The following EVI5 variants were observed in gnomAD, a reference collection of about 807,000 sequenced individuals.
EVI5 encodes the protein ecotropic viral integration site 5.
Under a neutral mutation model 112.0 loss-of-function variants are expected in EVI5, and 73 were observed. The observed-to-expected ratio is 0.65, with a 90% CI of 0.54 to 0.79. EVI5 has a LOEUF of 0.79. EVI5 is among the 30% of genes least tolerant of loss of function. The pLI is 0.00. For synonymous variants in EVI5, 305 were observed against 319.9 expected (o/e 0.95, Z 0.50); for missense variants, 900 against 968.8 (o/e 0.93, Z 0.94).
chr1:92,672,729 T>C (rs1277448526), intron 10 of EVI5, among the ~76,000 whole-genome samples: 1 of 152,218 alleles, frequency 6.6e-6, no homozygotes, highest in East Asian at 1.9e-4. Context: ...AATTATCTGT[T>C]AAATGAAGTG....
intron 19 of EVI5, 24 bp from the exon 20 acceptor site, chr1:92,513,994 A>C: frequency 7.0e-7 from 1 of 1,421,346 alleles, no homozygotes; most frequent in Non-Finnish European, 9.6e-7. Flanking sequence ...ATCCAAGTTA[A>C]TACAGTCAAA....
At chr1:92,662,935 T>A (rs1313955248) in intron 12 of EVI5, 70 bp from the exon 13 acceptor site, 2 of 838,526 alleles carry the variant, frequency 2.4e-6, no homozygotes, top group Non-Finnish European at 3.0e-6. Flanking sequence ...TTTGTGAGGT[T>A]TAGTTATTTA....
intron 17 of EVI5, 81 bp downstream of exon 17, chr1:92,607,500 T>TA: frequency 1.0e-6 from 1 of 993,812 alleles, no homozygotes; most frequent in Non-Finnish European, 1.4e-6. Flanking sequence ...GTTTTTAAGA[T>TA]AATCTAATCA....
chr1:92,629,790 A>G (rs1473647197), intron 14 of EVI5, among the ~76,000 whole-genome samples: 3 of 150,622 alleles, frequency 2.0e-5, no homozygotes, highest in Non-Finnish European at 4.4e-5. Context: ...AACATTAGGT[A>G]TATCTCCTAA....
At chr1:92,577,362 A>C (rs1671236414) in intron 18 of EVI5, among the ~76,000 whole-genome samples, 1 of 152,088 alleles carries the variant, frequency 6.6e-6, no homozygotes, top group African/African-American at 2.4e-5. Context: ...AGCTCACACC[A>C]CTTGTAGGGA....
chr1:92,583,779 C>T (rs992458509), intron 18 of EVI5, among the ~76,000 whole-genome samples: 3 of 147,514 alleles, frequency 2.0e-5, no homozygotes, highest in Non-Finnish European at 4.5e-5. Context: ...ATATAACAAA[C>T]TGAAACTTAT....
chr1:92,699,403 C>A (rs1021631307), intron 5 of EVI5, among the ~76,000 whole-genome samples: 1 of 152,140 alleles, frequency 6.6e-6, no homozygotes, highest in Non-Finnish European at 1.5e-5. Context: ...CTACCTATAT[C>A]CTCAATCTCT....
chr1:92,779,743 ATTT>A (rs1028994446), intron 1 of EVI5, among the ~76,000 whole-genome samples: 2 of 152,084 alleles, frequency 1.3e-5, no homozygotes, highest in African/African-American at 4.8e-5. Flanking sequence ...TGATATAAAA[ATTT>A]TTTTAATTTA....
chr1:92,593,670 C>A (rs1040587512), intron 18 of EVI5, among the ~76,000 whole-genome samples: 18 of 152,172 alleles, frequency 1.2e-4, no homozygotes, highest in Non-Finnish European at 2.2e-4. Flanking sequence ...TCTAGAAAAC[C>A]CCATCGTCTC....
intron 2 of EVI5, among the ~76,000 whole-genome samples, chr1:92,712,342 A>AT (rs1007989287): frequency 2.5e-4 from 37 of 149,140 alleles, no homozygotes; most frequent in East Asian, 5.9e-4. Flanking sequence ...GAAAAATAGA[A>AT]TTTTTTTTTT....
intron 11 of EVI5, 128 bp downstream of exon 11, chr1:92,665,811 T>C (rs1664786063): frequency 1.8e-6 from 1 of 563,084 alleles, no homozygotes; most frequent in South Asian, 2.8e-5. Context: ...AATAGTAAGG[T>C]AAGCAAGCTA....
intron 17 of EVI5, among the ~76,000 whole-genome samples, chr1:92,606,084 A>G (rs930631645): frequency 6.6e-6 from 1 of 152,224 alleles, no homozygotes; most frequent in African/African-American, 2.4e-5. Flanking sequence ...GCTTAAACAC[A>G]GGGGAGATAT....
rs80131132 is a variant in EVI5, at chr1:92,698,101, C to G, written c.640-116G>C. On this transcript the variant is annotated intron_variant, in intron 5 of 19. Transcript: ENST00000684568. ...CAAACATTGTTTGAGTGGCTGTGTG[C>G]TGCAATGTTAAGAGCAATGAGGTAA... 1.6e-3 allele frequency: 1,420 copies of G among 893,468 alleles called. 19 individuals are homozygous for G. In the African/African-American group the frequency reaches 0.019, roughly 12 times the overall value. 55.3% of individuals were successfully genotyped at this position (893,468 alleles called of 1,614,324 possible). A position where few individuals can be genotyped will look rare whatever the true frequency, so the allele number is the denominator to read the frequency against.
chr1:92,586,603 T>TTG (rs1672828694), intron 18 of EVI5, among the ~76,000 whole-genome samples: 1 of 128,216 alleles, frequency 7.8e-6, no homozygotes, highest in African/African-American at 3.7e-5. Flanking sequence ...TTTTTTTTTT[T>TTG]GGCTGTGTGT....
intron 1 of EVI5, among the ~76,000 whole-genome samples, chr1:92,776,658 G>T (rs1684174926): frequency 6.7e-6 from 1 of 149,508 alleles, no homozygotes; most frequent in Non-Finnish European, 1.5e-5. Flanking sequence ...TTTTGAGATG[G>T]AGTTTCACTC....
intron 19 of EVI5, among the ~76,000 whole-genome samples, chr1:92,528,662 T>C (rs916245768): frequency 6.6e-6 from 1 of 152,206 alleles, no homozygotes; most frequent in African/African-American, 2.4e-5. Flanking sequence ...CGTGGGTAAA[T>C]CTCAGCATTG....
chr1:92,590,141 T>C (rs189435132), intron 18 of EVI5, among the ~76,000 whole-genome samples: 2 of 152,066 alleles, frequency 1.3e-5, no homozygotes, highest in Admixed American at 1.3e-4. Context: ...AGACCAAACG[T>C]AGATAAAACC....
chr1:92,551,511 TAA>T (rs1425633898), intron 19 of EVI5, among the ~76,000 whole-genome samples: 2 of 152,218 alleles, frequency 1.3e-5, no homozygotes, highest in Non-Finnish European at 2.9e-5. Flanking sequence ...CACAAGATTT[TAA>T]AACTGTAGCT....
At chr1:92,646,267 A>G (rs1410983378) in intron 13 of EVI5, among the ~76,000 whole-genome samples, 1 of 152,238 alleles carries the variant, frequency 6.6e-6, no homozygotes, top group African/African-American at 2.4e-5. Context: ...ACTGAAAATC[A>G]CATTTAAGTA....
Sources: allele counts gnomAD v4.1 joint callset (sites outside exome capture counted in the v4.1 genomes callset), GRCh38; gene constraint gnomAD v4.1.1; transcripts MANE v1.5; gene names NCBI Gene and HGNC (gene_info 2026-07-23, HGNC 2026-07-21).